Variants in MALRD1 observed in about 807,000 individuals in gnomAD.
MALRD1 encodes the protein MAM and LDL receptor class A domain containing 1.
Under a neutral mutation model 242.1 loss-of-function variants are expected in MALRD1, and 247 were observed. The ratio of observed to expected loss-of-function variants is 1.02; its 90% confidence interval spans 0.92 to 1.13. The LOEUF (loss-of-function observed/expected upper bound fraction) is 1.13. Ranked by LOEUF, MALRD1 falls within the 50% of genes most tolerant of loss-of-function variation. The pLI, the probability that MALRD1 is intolerant of heterozygous loss-of-function variation, is 0.00. For synonymous variants in MALRD1, 995 were observed against 866.6 expected (o/e 1.15, Z -2.60); for missense variants, 2,989 against 2,533.1 (o/e 1.18, Z -3.86).
At chr10:19,278,485 C>CCA (rs35103425) in intron 19 of MALRD1, among the ~76,000 whole-genome samples, 31 of 151,680 alleles carry the variant, frequency 2.0e-4, no homozygotes, top group African/African-American at 5.3e-4. Context: ...ATCCATCCAT[C>CCA]TATCCATCCA....
chr10:19,249,068 CAT>C (rs891500529), intron 18 of MALRD1, among the ~76,000 whole-genome samples: 17 of 148,056 alleles, frequency 1.1e-4, no homozygotes, highest in African/African-American at 3.2e-4. Flanking sequence ...TCTCTGTGCA[CAT>C]ATATATATGC....
chr10:19,283,115 G>A lies in MALRD1; in HGVS notation c.3353G>A (p.Gly1118Glu). ...CAAGATTCAAACACATTCAGGTGGG[G>A]GCTTGGGAACGGGATCAGCATTCAT... ...LLQDSNTFRW[G>E]LGNGISIHHG... is the part of the protein sequence containing the mutation. Residue 1118 changes from glycine to glutamate, a missense_variant, in exon 21 of 40, where the codon GGG becomes GAG. By Grantham distance (98) the Gly-to-Glu change is moderately conservative. Coordinates refer to ENST00000454679, the MANE Select transcript of MALRD1 (RefSeq NM_001142308.3). The A allele has an allele frequency of 6.5e-7, 1 of 1,549,566 alleles. No homozygotes were observed. The highest frequency in any genetic ancestry group is 1.4e-5 in the African/African-American group (1 of 73,090).
rs942702043 is a variant in MALRD1, at chr10:19,411,092, A to G, written c.4845+21483A>G. 2.0e-5 allele frequency among the ~76,000 whole-genome samples: 3 copies of G among 152,216 alleles called. No individual in the cohort carries two copies. The East Asian group carries it at 5.8e-4, about 29-fold the overall frequency. ...ATGAGAAGACTTTAAATATCAGGCC[A>G]TTCTCTTAGGCAGCAGTAAGTGAAA... is the stretch of plus-strand genomic sequence containing the variant. On this transcript the variant is annotated intron_variant, in intron 28 of 39. Coordinates refer to ENST00000454679, the MANE Select transcript of MALRD1 (RefSeq NM_001142308.3).
intron 32 of MALRD1, among the ~76,000 whole-genome samples, chr10:19,547,384 C>T (rs1030310163): frequency 2.0e-5 from 3 of 152,056 alleles, no homozygotes; most frequent in Admixed American, 1.3e-4. Flanking sequence ...ATGTCCAACA[C>T]CCAGTCACTA....
chr10:19,726,484 C>T (rs1418590540), intron 38 of MALRD1, among the ~76,000 whole-genome samples: 6 of 152,034 alleles, frequency 3.9e-5, no homozygotes, highest in Non-Finnish European at 7.4e-5. Context: ...AATAGAAACC[C>T]TCACACATTG....
chr10:19,117,050 G>T (rs1836894076), intron 5 of MALRD1, among the ~76,000 whole-genome samples: 1 of 150,326 alleles, frequency 6.7e-6, no homozygotes, highest in South Asian at 2.1e-4. Context: ...AGCCGAGATT[G>T]TGCCACTGCA....
At chr10:19,237,812 T>G (rs59111926) in intron 18 of MALRD1, among the ~76,000 whole-genome samples, 1 of 120,246 alleles carries the variant, frequency 8.3e-6, no homozygotes, top group Non-Finnish European at 1.6e-5. Context: ...TATAATTATA[T>G]AGAATTTTAT....
chr10:19,730,254 A>T (rs1005280085), intron 38 of MALRD1, among the ~76,000 whole-genome samples: 2 of 152,184 alleles, frequency 1.3e-5, no homozygotes, highest in African/African-American at 4.8e-5. Context: ...TGTGCTACAG[A>T]TCTTTATGAC....
intron 28 of MALRD1, among the ~76,000 whole-genome samples, chr10:19,424,579 GAT>G (rs1833834316): frequency 6.6e-6 from 1 of 152,058 alleles, no homozygotes; most frequent in Non-Finnish European, 1.5e-5. Context: ...TTTTTGCAGA[GAT>G]ATTTCAAAAA....
intron 29 of MALRD1, chr10:19,491,029 A>G (rs1837471394): frequency 1.0e-5 from 2 of 200,370 alleles, no homozygotes; most frequent in Admixed American, 1.1e-4. Flanking sequence ...CAGTTGCTTT[A>G]ACCAATAAAG....
At chr10:19,265,581 A>G (rs1254412916) in intron 19 of MALRD1, among the ~76,000 whole-genome samples, 1 of 152,110 alleles carries the variant, frequency 6.6e-6, no homozygotes, top group African/African-American at 2.4e-5. Flanking sequence ...GTGGTTAGAA[A>G]AGATGCTGGA....
At chr10:19,350,186 T>C (rs1032308628) in intron 25 of MALRD1, among the ~76,000 whole-genome samples, 6 of 152,014 alleles carry the variant, frequency 3.9e-5, no homozygotes, top group South Asian at 2.1e-4. Flanking sequence ...AATTTTTTTT[T>C]CTTTGTAGGG....
Position 19,373,203 on chromosome 10 carries a change from C to CAAAAAAAAAAAAAAAAAAA in MALRD1, c.4442-14308_4442-14307insAAAAAAAAAAAAAAAAAAA, listed in dbSNP as rs374095193. 3.5e-3 allele frequency among the ~76,000 whole-genome samples: 401 copies of CAAAAAAAAAAAAAAAAAAA among 114,780 alleles called. 7 individuals carry two copies. The highest frequency in any genetic ancestry group is 4.2e-3 in the Non-Finnish European group (242 of 57,072). The allele number at this position is 114,780 out of a possible 152,430, so 75.3% of individuals were successfully genotyped here. A position where few individuals can be genotyped will look rare whatever the true frequency, so the allele number is the denominator to read the frequency against. On this transcript the variant is annotated intron_variant, in intron 26 of 39. Coordinates refer to ENST00000454679, the MANE Select transcript of MALRD1 (RefSeq NM_001142308.3). ...CTTGCATTTCAGCAAACGCTAAATA[C>CAAAAAAAAAAAAAAAAAAA]AAAAAAAAAAAAAAAAATAAGGGGC...
intron 4 of MALRD1, among the ~76,000 whole-genome samples, chr10:19,099,371 T>C (rs925916153): frequency 2.0e-5 from 3 of 152,184 alleles, no homozygotes; most frequent in Non-Finnish European, 4.4e-5. Context: ...TATCCATCGG[T>C]CATCACCATT....
intron 32 of MALRD1, among the ~76,000 whole-genome samples, chr10:19,533,480 T>C (rs916466306): frequency 6.6e-6 from 1 of 152,178 alleles, no homozygotes; most frequent in Non-Finnish European, 1.5e-5. Context: ...TGTAAAGAAA[T>C]ACCTGAGACT....
intron 5 of MALRD1, among the ~76,000 whole-genome samples, chr10:19,121,222 G>C (rs2131375047): frequency 6.6e-6 from 1 of 151,528 alleles, no homozygotes; most frequent in East Asian, 2.0e-4. Flanking sequence ...TGTATTTTTA[G>C]TAGAGATGGG....
chr10:19,217,365 T>C (rs1024483136), intron 18 of MALRD1, among the ~76,000 whole-genome samples: 3 of 152,122 alleles, frequency 2.0e-5, no homozygotes, highest in Admixed American at 6.6e-5. Context: ...TCCTGCCACT[T>C]TTCCCCTGAA....
intron 11 of MALRD1, among the ~76,000 whole-genome samples, chr10:19,146,740 T>A (rs1414028548): frequency 6.6e-6 from 1 of 152,222 alleles, no homozygotes; most frequent in African/African-American, 2.4e-5. Context: ...TAGCACTATC[T>A]GTGAAATAAA....
At chr10:19,283,213 T>C (rs1421990191) in intron 21 of MALRD1, 32 bp downstream of exon 21, 2 of 1,411,628 alleles carry the variant, frequency 1.4e-6, no homozygotes, top group Non-Finnish European at 1.9e-6. Context: ...ATATCTCTCT[T>C]GGGAAATATT....
Sources: gnomAD v4.1 joint callset for allele counts (sites outside exome capture counted in the v4.1 genomes callset) on GRCh38, gnomAD v4.1.1 for gene constraint, MANE v1.5 for transcripts, NCBI Gene and HGNC (gene_info 2026-07-23, HGNC 2026-07-21) for gene names.